The following HPSE2 variants were observed in gnomAD, a reference collection of about 807,000 sequenced individuals.
HPSE2 encodes the protein heparanase 2 (inactive).
Under a neutral mutation model 60.5 loss-of-function variants are expected in HPSE2, and 38 were observed. That is an observed-to-expected ratio of 0.63 (90% CI 0.48 to 0.82). The LOEUF is 0.82. HPSE2 is among the 40% of genes least tolerant of loss of function. The pLI is 0.00. For synonymous variants in HPSE2, 295 were observed against 293.2 expected (o/e 1.01, Z -0.06); for missense variants, 713 against 740.4 (o/e 0.96, Z 0.43).
At chr10:99,077,061 C>T (rs191727156) in intron 3 of HPSE2, among the ~76,000 whole-genome samples, 1 of 152,162 alleles carries the variant, frequency 6.6e-6, no homozygotes, top group Non-Finnish European at 1.5e-5. Flanking sequence ...AGGGTTTCTG[C>T]TGAGAAATAC....
chr10:98,694,802 C>T (rs189791584), intron 5 of HPSE2, among the ~76,000 whole-genome samples: 1 of 152,192 alleles, frequency 6.6e-6, no homozygotes, highest in African/African-American at 2.4e-5. Context: ...ATGGTTATAA[C>T]TACTAGTTGA....
chr10:98,612,446 T>C (rs1945787618), intron 9 of HPSE2, among the ~76,000 whole-genome samples: 1 of 152,222 alleles, frequency 6.6e-6, no homozygotes, highest in African/African-American at 2.4e-5. Flanking sequence ...TATGACAAAT[T>C]GCAATTCTCT....
At chr10:99,208,421 A>C (rs1848834672) in intron 2 of HPSE2, among the ~76,000 whole-genome samples, 1 of 152,180 alleles carries the variant, frequency 6.6e-6, no homozygotes, top group Non-Finnish European at 1.5e-5. Context: ...ACAGTGGCTT[A>C]TGTCTGTAAT....
At position 99,136,589 on chromosome 10, in the gene HPSE2, C is replaced by T. The variant is rs184527006; in HGVS notation, c.610+7649G>A. Among the ~76,000 whole-genome samples, 11 of 152,232 alleles carry T rather than the reference C, an allele frequency of 7.2e-5. No homozygotes were observed. In the East Asian group the frequency reaches 9.6e-4, roughly 13 times the overall value. On this transcript the variant is annotated intron_variant, in intron 3 of 11. Transcript: ENST00000370552. ...TGGGATGCAAGGCTGGTTCAACATA[C>T]GCAAATCAATAAACGTAATCCACCA...
At chr10:99,133,099 A>C (rs865946123) in intron 3 of HPSE2, among the ~76,000 whole-genome samples, 1 of 152,194 alleles carries the variant, frequency 6.6e-6, no homozygotes, top group Non-Finnish European at 1.5e-5. Context: ...AGGCGGTTTT[A>C]TGCTCACAAT....
At chr10:98,656,110 A>G (rs1947055744) in intron 6 of HPSE2, among the ~76,000 whole-genome samples, 2 of 150,348 alleles carry the variant, frequency 1.3e-5, no homozygotes, top group Non-Finnish European at 3.0e-5. Flanking sequence ...TAATTGAGAC[A>G]GAGTCTTGCT....
intron 2 of HPSE2, among the ~76,000 whole-genome samples, chr10:99,184,516 C>G (rs1344795333): frequency 1.6e-5 from 1 of 64,098 alleles, no homozygotes. Context: ...CAGAGCGAGA[C>G]TGTCTCAAAA....
chr10:98,698,012 G>C (rs1948279244), intron 5 of HPSE2, among the ~76,000 whole-genome samples: 1 of 148,006 alleles, frequency 6.8e-6, no homozygotes, highest in South Asian at 2.3e-4. Context: ...GACCTACAAA[G>C]AGACTTAGAC....
At chr10:98,737,787 C>T (rs140545524) in intron 4 of HPSE2, among the ~76,000 whole-genome samples, 1,822 of 152,150 alleles carry the variant, frequency 0.012, 25 homozygotes, top group African/African-American at 0.041. Context: ...AGGACTTCTT[C>T]CAGGAGAACT....
chr10:99,302,551 G>A, the HPSE2 span, among the ~76,000 whole-genome samples: 2 of 152,114 alleles, frequency 1.3e-5, no homozygotes, highest in South Asian at 2.1e-4. Flanking sequence ...TCAGCCACAC[G>A]ATATTATACC....
At chr10:98,989,646 TA>T (rs565938013) in intron 3 of HPSE2, among the ~76,000 whole-genome samples, 21,119 of 138,264 alleles carry the variant, frequency 0.15, 1,814 homozygotes, top group Admixed American at 0.24. Context: ...TAAAGTATAA[TA>T]AAAAAAAAAA....
intron 3 of HPSE2, among the ~76,000 whole-genome samples, chr10:98,941,521 A>T (rs1372477346): frequency 7.0e-6 from 1 of 143,212 alleles, no homozygotes; most frequent in Non-Finnish European, 1.5e-5. Context: ...CCAACCTACA[A>T]GGGTTGTGAA....
chr10:99,167,146 G>C (rs1048810409), intron 2 of HPSE2, among the ~76,000 whole-genome samples: 3 of 152,000 alleles, frequency 2.0e-5, no homozygotes, highest in Non-Finnish European at 2.9e-5. Flanking sequence ...TAGTAGATGG[G>C]ATTACAAGCG....
intron 3 of HPSE2, among the ~76,000 whole-genome samples, chr10:99,106,731 TA>T (rs1844264141): frequency 1.3e-5 from 2 of 152,110 alleles, no homozygotes; most frequent in Admixed American, 1.3e-4. Flanking sequence ...ATAATAACCT[TA>T]TGAAGTAGAT....
chr10:98,724,878 C>A (rs1379322226), intron 4 of HPSE2, among the ~76,000 whole-genome samples: 1 of 152,080 alleles, frequency 6.6e-6, no homozygotes, highest in East Asian at 1.9e-4. Flanking sequence ...TGAGTGAACT[C>A]CCATTCACAA....
At chr10:98,778,283 A>AGAGAGAGAGAGG (rs1950389397) in intron 3 of HPSE2, among the ~76,000 whole-genome samples, 2 of 151,096 alleles carry the variant, frequency 1.3e-5, no homozygotes, top group African/African-American at 4.9e-5. Flanking sequence ...AGAGAGAGAG[A>AGAGAGAGAGAGG]GAGAGAGAGA....
intron 3 of HPSE2, among the ~76,000 whole-genome samples, chr10:98,949,590 G>C (rs1008739141): frequency 7.9e-5 from 12 of 152,126 alleles, no homozygotes; most frequent in Non-Finnish European, 1.8e-4. Context: ...AGTAATTCCT[G>C]AGCCTCAATT....
chr10:98,930,417 G>A (rs573461675), intron 3 of HPSE2, among the ~76,000 whole-genome samples: 1 of 144,294 alleles, frequency 6.9e-6, no homozygotes, highest in Non-Finnish European at 1.5e-5. Flanking sequence ...CCATGTCTTT[G>A]CTATTGTGAA....
At chr10:99,214,991 G>C (rs1363421174) in intron 2 of HPSE2, among the ~76,000 whole-genome samples, 2 of 152,136 alleles carry the variant, frequency 1.3e-5, no homozygotes, top group African/African-American at 4.8e-5. Context: ...CTGTTGGTGG[G>C]AATGTAAATT....
Sources: allele counts gnomAD v4.1 joint callset (sites outside exome capture counted in the v4.1 genomes callset), GRCh38; gene constraint gnomAD v4.1.1; transcripts MANE v1.5; gene names NCBI Gene and HGNC (gene_info 2026-07-23, HGNC 2026-07-21).